The following GPC5 variants were observed in gnomAD, a reference collection of about 807,000 sequenced individuals.
GPC5 encodes the protein glypican 5.
Under a neutral mutation model 53.9 loss-of-function variants are expected in GPC5, and 47 were observed. The observed-to-expected ratio is 0.87, with a 90% CI of 0.69 to 1.11. The LOEUF (loss-of-function observed/expected upper bound fraction) is 1.11. Ranked by LOEUF, GPC5 falls within the 50% of genes most tolerant of loss-of-function variation. The pLI is 0.00. For synonymous variants in GPC5, 286 were observed against 263.3 expected (o/e 1.09, Z -0.84); for missense variants, 748 against 713.1 (o/e 1.05, Z -0.56).
At chr13:91,593,964 C>G (rs2032901372) in intron 2 of GPC5, among the ~76,000 whole-genome samples, 1 of 150,850 alleles carries the variant, frequency 6.6e-6, no homozygotes, top group East Asian at 1.9e-4. Flanking sequence ...AGCATAACAG[C>G]TTTATTTTTG....
intron 2 of GPC5, among the ~76,000 whole-genome samples, chr13:91,575,622 G>A (rs73614542): frequency 7.2e-5 from 11 of 152,106 alleles, no homozygotes; most frequent in Non-Finnish European, 1.0e-4. Flanking sequence ...GCTGTATGAC[G>A]TTTAATTCAA....
At chr13:92,750,556 G>A (rs575261184) in intron 7 of GPC5, among the ~76,000 whole-genome samples, 9 of 152,240 alleles carry the variant, frequency 5.9e-5, no homozygotes, top group African/African-American at 2.2e-4. Flanking sequence ...TCAACTTCTA[G>A]TGTACAGAAA....
intron 5 of GPC5, among the ~76,000 whole-genome samples, chr13:91,891,172 G>A (rs2039381641): frequency 6.6e-6 from 1 of 152,084 alleles, no homozygotes; most frequent in South Asian, 2.1e-4. Flanking sequence ...TATACTTACA[G>A]AGCTACAATC....
At chr13:92,296,289 T>A (rs1280490457) in intron 7 of GPC5, among the ~76,000 whole-genome samples, 1 of 151,888 alleles carries the variant, frequency 6.6e-6, no homozygotes, top group Non-Finnish European at 1.5e-5. Flanking sequence ...GCTGTGGTAG[T>A]ATGGGGAGGA....
chr13:92,701,928 T>G (rs1386434814), intron 7 of GPC5, among the ~76,000 whole-genome samples: 1 of 152,128 alleles, frequency 6.6e-6, no homozygotes, highest in African/African-American at 2.4e-5. Context: ...AGGCCTCACA[T>G]GCATTTTAAA....
chr13:92,628,109 A>G (rs1335410370), intron 7 of GPC5, among the ~76,000 whole-genome samples: 1 of 152,046 alleles, frequency 6.6e-6, no homozygotes, highest in Non-Finnish European at 1.5e-5. Context: ...GTGCTAAGTA[A>G]AGGAGATCCA....
intron 7 of GPC5, among the ~76,000 whole-genome samples, chr13:92,494,799 C>A (rs1879907369): frequency 6.6e-6 from 1 of 152,142 alleles, no homozygotes; most frequent in African/African-American, 2.4e-5. Context: ...TGAAGATAGA[C>A]CCTGGTATTC....
intron 2 of GPC5, among the ~76,000 whole-genome samples, chr13:91,507,568 C>A (rs1885009027): frequency 6.6e-6 from 1 of 152,152 alleles, no homozygotes; most frequent in Non-Finnish European, 1.5e-5. Flanking sequence ...AAAGACCCAC[C>A]CCCATGATTC....
At chr13:92,722,337 GA>G (rs1164247242) in intron 7 of GPC5, among the ~76,000 whole-genome samples, 3 of 151,966 alleles carry the variant, frequency 2.0e-5, no homozygotes, top group Non-Finnish European at 4.4e-5. Context: ...ACTATCAAGA[GA>G]AAATCAAGCT....
At chr13:91,899,714 G>A (rs566742503) in intron 5 of GPC5, among the ~76,000 whole-genome samples, 1 of 152,232 alleles carries the variant, frequency 6.6e-6, no homozygotes, top group South Asian at 2.1e-4. Flanking sequence ...CACAGGAAAA[G>A]ACACACACGG....
At chr13:92,161,245 A>G (rs773599500) in intron 7 of GPC5, among the ~76,000 whole-genome samples, 16 of 152,160 alleles carry the variant, frequency 1.1e-4, no homozygotes, top group Non-Finnish European at 2.2e-4. Context: ...TAGTGAATCA[A>G]CATTTCCAGT....
At chr13:92,288,529 T>G (rs2042971900) in intron 7 of GPC5, among the ~76,000 whole-genome samples, 1 of 152,198 alleles carries the variant, frequency 6.6e-6, no homozygotes, top group East Asian at 1.9e-4. Context: ...TATAGTCAGC[T>G]AATGAAGTGA....
chr13:92,593,191 AACTG>A (rs1454954451), intron 7 of GPC5, among the ~76,000 whole-genome samples: 1 of 150,982 alleles, frequency 6.6e-6, no homozygotes, highest in East Asian at 1.9e-4. Context: ...GTCTGTTGAA[AACTG>A]ACTGTAGAGA....
intron 7 of GPC5, among the ~76,000 whole-genome samples, chr13:92,198,836 C>T (rs1034452543): frequency 1.3e-5 from 2 of 152,098 alleles, no homozygotes; most frequent in Non-Finnish European, 2.9e-5. Flanking sequence ...GAGAAATGGT[C>T]ATATACTAAA....
chr13:92,065,907 T>C (rs1401205570), intron 6 of GPC5, among the ~76,000 whole-genome samples: 1 of 152,148 alleles, frequency 6.6e-6, no homozygotes, highest in African/African-American at 2.4e-5. Context: ...CAAATAATTA[T>C]ATTGTGAATA....
intron 4 of GPC5, among the ~76,000 whole-genome samples, chr13:91,748,334 A>G (rs1191312276): frequency 6.6e-6 from 1 of 152,118 alleles, no homozygotes; most frequent in East Asian, 1.9e-4. Context: ...GATTCCTTCT[A>G]TTTTTTAATG....
intron 2 of GPC5, among the ~76,000 whole-genome samples, chr13:91,474,936 A>T (rs182627993): frequency 1.3e-3 from 204 of 152,278 alleles, no homozygotes; most frequent in African/African-American, 4.7e-3. Context: ...ATAATATATT[A>T]ATGCTCTGGT....
chr13:92,415,676 T>TAAA (rs34520808), intron 7 of GPC5, among the ~76,000 whole-genome samples: 1,981 of 143,488 alleles, frequency 0.014, 18 homozygotes, highest in Non-Finnish European at 0.021. Flanking sequence ...CAGCTGGAGG[T>TAAA]AAAAAAAAAA....
intron 1 of GPC5, among the ~76,000 whole-genome samples, chr13:91,412,818 G>C (rs1877908022): frequency 6.6e-6 from 1 of 152,168 alleles, no homozygotes; most frequent in South Asian, 2.1e-4. Context: ...TTTAAATGCT[G>C]AATACCCTTT....
Sources: allele counts gnomAD v4.1 joint callset (sites outside exome capture counted in the v4.1 genomes callset), GRCh38; gene constraint gnomAD v4.1.1; transcripts MANE v1.5; gene names NCBI Gene and HGNC (gene_info 2026-07-23, HGNC 2026-07-21).